The following NCAPD3 variants were observed in gnomAD, a reference collection of about 807,000 sequenced individuals.
The protein encoded by NCAPD3 is non-SMC condensin II complex subunit D3.
NCAPD3 carries 105 observed loss-of-function variants against 182.9 expected under a neutral mutation model. The ratio of observed to expected loss-of-function variants is 0.57; its 90% CI spans 0.49 to 0.68. The LOEUF is 0.68. NCAPD3 is among the 30% of genes least tolerant of loss of function. The pLI, the probability that NCAPD3 is intolerant of heterozygous loss-of-function variation, is 0.00. For missense variants in NCAPD3, 1,944 were observed against 1,837.0 expected (o/e 1.06, Z -1.07); for synonymous variants, 815 against 679.9 (o/e 1.20, Z -3.09).
intron 27 of NCAPD3, among the ~76,000 whole-genome samples, chr11:134,164,568 G>A (rs1285639924): frequency 2.0e-5 from 3 of 152,046 alleles, no homozygotes; most frequent in Non-Finnish European, 4.4e-5. Context: ...TGAGCTTAGG[G>A]GAGCTGCACA....
At chr11:134,208,398 T>G (rs1181124478) in intron 7 of NCAPD3, among the ~76,000 whole-genome samples, 1 of 152,148 alleles carries the variant, frequency 6.6e-6, no homozygotes, top group Non-Finnish European at 1.5e-5. Flanking sequence ...CCTACAAAAT[T>G]TCCATAGCAT....
intron 24 of NCAPD3, among the ~76,000 whole-genome samples, chr11:134,169,715 T>C (rs1408589153): frequency 4.6e-5 from 7 of 152,078 alleles, no homozygotes; most frequent in Admixed American, 4.6e-4. Flanking sequence ...AAAATGAAGA[T>C]TTTCAATGCC....
chr11:134,156,317 C>T (rs1034523410), intron 32 of NCAPD3, among the ~76,000 whole-genome samples: 3 of 152,112 alleles, frequency 2.0e-5, no homozygotes, highest in East Asian at 1.9e-4. Flanking sequence ...CACAGCCGGG[C>T]GCAGAGCGAG....
At chr11:134,223,764 A>G in intron 1 of NCAPD3, 99 bp downstream of exon 1, 1 of 1,057,354 alleles carries the variant, frequency 9.5e-7, no homozygotes, top group Non-Finnish European at 1.4e-6. Context: ...GGGCGCCCCC[A>G]CCCCGCCCCC....
chr11:134,223,779 G>A (rs947816589), intron 1 of NCAPD3, 84 bp downstream of exon 1: 10 of 1,505,350 alleles, frequency 6.6e-6, no homozygotes, highest in Admixed American at 2.0e-5. Context: ...GCCCCCACCG[G>A]CACCCCGGCC....
chr11:134,192,861 C>G lies in NCAPD3; in HGVS notation c.1873G>C (p.Val625Leu). The change falls in exon 16 of 35, where the codon GTC (valine) becomes CTC (leucine). Residue 625 changes from valine (V) to leucine (L), a missense_variant. Physicochemically the swap from Val to Leu is conservative, Grantham distance 32. This residue lies in a region of NCAPD3 where 1,803 missense variants were observed against 1,674.6 expected (regional missense o/e 1.08). Transcript: ENST00000534548. Reference protein sequence around the residue: ...QIQKAWLRGVVPVVMDCESTV... With the variant: ...QIQKAWLRGVLPVVMDCESTV... ...CTCTCGCAGTCCATCACCACCGGGA[C>G]CACCCCCCGCAACCAGGCTTTCTGG... The G allele has an allele frequency of 6.2e-7, 1 of 1,613,940 alleles. No homozygotes were observed. The highest frequency in any genetic ancestry group is 1.1e-5 in the South Asian group (1 of 91,076).
chr11:134,168,856 C>A, intron 25 of NCAPD3, 61 bp downstream of exon 25: 1 of 1,563,794 alleles, frequency 6.4e-7, no homozygotes, highest in South Asian at 1.2e-5. Context: ...AGCCTAACCT[C>A]CCCTGATTCC....
At chr11:134,195,401 G>A (rs937221551) in intron 13 of NCAPD3, among the ~76,000 whole-genome samples, 1 of 152,122 alleles carries the variant, frequency 6.6e-6, no homozygotes, top group African/African-American at 2.4e-5. Context: ...GCCCAGCCTT[G>A]AGGCTTCTTT....
At chr11:134,160,217 GAAAA>G in intron 28 of NCAPD3, 143 bp from the exon 29 acceptor site, 1 of 760,426 alleles carries the variant, frequency 1.3e-6, no homozygotes, top group Non-Finnish European at 2.0e-6. Context: ...AGTTAAGAAA[GAAAA>G]AAGCCCCCCA....
At chr11:134,172,953 G>A (rs1240666576) in intron 24 of NCAPD3, 1 of 148,288 alleles carries the variant, frequency 6.7e-6, no homozygotes, top group African/African-American at 2.6e-5. Flanking sequence ...CTCCAGCCTG[G>A]GCAACAGAGC....
At chr11:134,206,821 A>G (rs1178098405) in intron 7 of NCAPD3, 89 bp from the exon 8 acceptor site, 18 of 1,367,580 alleles carry the variant, frequency 1.3e-5, no homozygotes, top group Admixed American at 2.6e-5. Flanking sequence ...AAACCATTTC[A>G]AGCCATCTGA....
At chr11:134,212,528 T>A (rs1053332285) in intron 3 of NCAPD3, among the ~76,000 whole-genome samples, 2 of 151,860 alleles carry the variant, frequency 1.3e-5, no homozygotes, top group East Asian at 1.9e-4. Context: ...CTGAGTAGCA[T>A]GCGTTACCAC....
intron 1 of NCAPD3, chr11:134,223,632 A>G: frequency 1.5e-6 from 1 of 652,588 alleles, no homozygotes; most frequent in Non-Finnish European, 2.8e-6. Flanking sequence ...GCGCTAGAAG[A>G]GACTGGCCAA....
intron 1 of NCAPD3, among the ~76,000 whole-genome samples, chr11:134,222,217 C>G (rs766278474): frequency 3.3e-5 from 5 of 152,102 alleles, no homozygotes; most frequent in Admixed American, 6.5e-5. Flanking sequence ...TCTCAGCTGT[C>G]GAATGCAGGT....
intron 8 of NCAPD3, among the ~76,000 whole-genome samples, 186 bp from the exon 9 acceptor site, chr11:134,205,157 T>C (rs1027490628): frequency 6.6e-6 from 1 of 152,224 alleles, no homozygotes; most frequent in Non-Finnish European, 1.5e-5. Flanking sequence ...GTAGTTCCCG[T>C]GCAGTTTTGA....
intron 32 of NCAPD3, 188 bp downstream of exon 32, chr11:134,156,830 T>G (rs143261191): frequency 2.0e-6 from 1 of 508,754 alleles, no homozygotes; most frequent in Non-Finnish European, 3.5e-6. Context: ...TGGAACAACA[T>G]ACTCGGTCAG....
intron 4 of NCAPD3, 51 bp from the exon 5 acceptor site, chr11:134,209,528 G>T: frequency 1.3e-6 from 2 of 1,533,884 alleles, no homozygotes; most frequent in East Asian, 4.5e-5. Flanking sequence ...CAAACACTTT[G>T]TCCCATGGTT....
rs893098370 is a variant in NCAPD3 at position 134,161,154 on chromosome 11, A to G, written c.3684+627T>C. Reference sequence around the variant, plus strand: ...GCATTTTTTTGAGGAAGAAAAACACATAATGTGAACAGAGCTATAACTGCT... The same window carrying G: ...GCATTTTTTTGAGGAAGAAAAACACGTAATGTGAACAGAGCTATAACTGCT... On this transcript the variant is annotated intron_variant, in intron 28 of 34. Transcript: ENST00000534548. 1.3e-4 allele frequency among the ~76,000 whole-genome samples: 20 copies of G among 152,262 alleles called. No homozygotes were observed. In the East Asian group the frequency reaches 3.5e-3, roughly 27 times the overall value.
intron 16 of NCAPD3, 96 bp from the exon 17 acceptor site, chr11:134,185,622 C>T (rs1429644625): frequency 1.0e-6 from 1 of 1,001,992 alleles, no homozygotes; most frequent in Non-Finnish European, 1.4e-6. Context: ...ACTTCTGCTG[C>T]TCCAGGACTC....
Sources: allele counts gnomAD v4.1 joint callset (sites outside exome capture counted in the v4.1 genomes callset), GRCh38; gene constraint gnomAD v4.1.1; regional missense constraint gnomAD v4.1.1; transcripts MANE v1.5; gene names NCBI Gene and HGNC (gene_info 2026-07-23, HGNC 2026-07-21).